MACROD2: variants seen among roughly 807,000 people sequenced by gnomAD.
MACROD2 encodes ADP-ribose glycohydrolase MACROD2.
A neutral mutation model predicts 70.4 loss-of-function variants in MACROD2; 36 were observed. That is an observed-to-expected ratio of 0.51 (90% CI 0.39 to 0.68). The LOEUF (loss-of-function observed/expected upper bound fraction) is 0.68, where lower values mean the gene tolerates loss of function less well. Among genes scored for constraint, MACROD2 ranks in the 30% least tolerant of loss-of-function variants. The probability of loss-of-function intolerance (pLI) is 0.00; values close to 1 mark genes in which losing one functional copy is unlikely to be tolerated. For missense variants in MACROD2, 496 were observed against 538.4 expected, an observed-to-expected ratio of 0.92 and a Z score of 0.78; for synonymous variants, 172 against 178.8, an observed-to-expected ratio of 0.96 and a Z score of 0.30.
intron 8 of MACROD2, among the ~76,000 whole-genome samples, chr20:15,832,643 C>T (rs1338102603): frequency 6.6e-6 from 1 of 152,174 alleles, no homozygotes; most frequent in Admixed American, 6.5e-5. Flanking sequence ...CATGTTGTAA[C>T]AGGAAGCTAC....
intron 5 of MACROD2, among the ~76,000 whole-genome samples, chr20:14,867,425 T>G (rs775065803): frequency 1.3e-5 from 2 of 152,110 alleles, no homozygotes; most frequent in Non-Finnish European, 2.9e-5. Context: ...AGTTGAATTT[T>G]TTTTCTAGTA....
At chr20:14,056,579 A>G (rs1313204760) in intron 2 of MACROD2, among the ~76,000 whole-genome samples, 1 of 152,004 alleles carries the variant, frequency 6.6e-6, no homozygotes, top group Non-Finnish European at 1.5e-5. Context: ...TGTAGCTGCA[A>G]TTTCCTCATT....
intron 5 of MACROD2, among the ~76,000 whole-genome samples, chr20:15,193,648 G>GGAAA (rs1213189877): frequency 1.3e-5 from 2 of 151,846 alleles, no homozygotes; most frequent in African/African-American, 2.4e-5. Context: ...CCTGACTCAA[G>GGAAA]GAAAGAAAGA....
intron 5 of MACROD2, among the ~76,000 whole-genome samples, chr20:14,797,020 G>A (rs1453221733): frequency 1.3e-5 from 2 of 151,864 alleles, no homozygotes; most frequent in African/African-American, 4.8e-5. Flanking sequence ...TTATCACAAT[G>A]TATAGTATCA....
Position 15,571,070 on chromosome 20 carries a change from A to C in MACROD2, c.645+71223A>C, listed in dbSNP as rs568799721. Among the ~76,000 whole-genome samples, 17 of 152,290 alleles carry C rather than the reference A, an allele frequency of 1.1e-4. No homozygotes were observed. The South Asian group carries it at 2.9e-3, about 26-fold the overall frequency. Reference sequence around the variant, plus strand: ...TGGGATACTATCTTCAGAATCCCCTAGTAGTTAAAACTCTGCTAAAGAAAT... The same window carrying C: ...TGGGATACTATCTTCAGAATCCCCTCGTAGTTAAAACTCTGCTAAAGAAAT... On this transcript the variant is annotated intron_variant, in intron 8 of 17. Transcript: ENST00000684519.
intron 6 of MACROD2, among the ~76,000 whole-genome samples, chr20:15,394,545 T>C (rs1304561952): frequency 6.6e-6 from 1 of 152,238 alleles, no homozygotes; most frequent in Non-Finnish European, 1.5e-5. Flanking sequence ...GAAAAGCAGA[T>C]GACAGGGCCA....
At chr20:14,940,249 A>T (rs1214058994) in intron 5 of MACROD2, among the ~76,000 whole-genome samples, 1 of 151,726 alleles carries the variant, frequency 6.6e-6, no homozygotes, top group Non-Finnish European at 1.5e-5. Flanking sequence ...TGGGAGGAAC[A>T]CCTGAGCCCA....
chr20:14,402,889 G>A (rs1023930335), intron 3 of MACROD2, among the ~76,000 whole-genome samples: 1 of 152,136 alleles, frequency 6.6e-6, no homozygotes, highest in African/African-American at 2.4e-5. Context: ...CAAGAAGGAG[G>A]AAGAGGCTAT....
intron 6 of MACROD2, among the ~76,000 whole-genome samples, chr20:15,281,663 G>T (rs959443501): frequency 1.3e-5 from 2 of 152,212 alleles, no homozygotes; most frequent in Non-Finnish European, 2.9e-5. Context: ...CTATGCCTTT[G>T]CAGGGTACAG....
intron 4 of MACROD2, among the ~76,000 whole-genome samples, chr20:14,558,316 G>A (rs1365004593): frequency 1.3e-5 from 2 of 151,728 alleles, no homozygotes; most frequent in East Asian, 1.9e-4. Flanking sequence ...CCATTTAATC[G>A]TGTATTTTTA....
At chr20:14,158,108 T>C (rs1460678340) in intron 3 of MACROD2, among the ~76,000 whole-genome samples, 2 of 152,180 alleles carry the variant, frequency 1.3e-5, no homozygotes, top group African/African-American at 2.4e-5. Context: ...TTTTTAGTAA[T>C]AGCCATTCTA....
intron 6 of MACROD2, among the ~76,000 whole-genome samples, chr20:15,360,473 A>G (rs1256375586): frequency 6.6e-6 from 1 of 152,174 alleles, no homozygotes; most frequent in Non-Finnish European, 1.5e-5. Flanking sequence ...CTAAATGAGA[A>G]AGAATACTAT....
At chr20:14,371,042 A>G (rs1047332692) in intron 3 of MACROD2, among the ~76,000 whole-genome samples, 1 of 152,232 alleles carries the variant, frequency 6.6e-6, no homozygotes. Context: ...TTTTTATAAG[A>G]CAGACAATAC....
chr20:15,301,086 G>A (rs1231092917), intron 6 of MACROD2, among the ~76,000 whole-genome samples: 1 of 152,146 alleles, frequency 6.6e-6, no homozygotes, highest in Admixed American at 6.5e-5. Flanking sequence ...GAAGGACAGC[G>A]AGCAAGGTGA....
At chr20:14,936,191 G>T (rs534761020) in intron 5 of MACROD2, among the ~76,000 whole-genome samples, 2 of 152,132 alleles carry the variant, frequency 1.3e-5, no homozygotes, top group Non-Finnish European at 2.9e-5. Flanking sequence ...AGGGCCTCTC[G>T]AAGGGTAACA....
At chr20:15,201,647 T>G (rs2076657098) in intron 5 of MACROD2, among the ~76,000 whole-genome samples, 1 of 152,190 alleles carries the variant, frequency 6.6e-6, no homozygotes, top group Non-Finnish European at 1.5e-5. Context: ...TCTTTTGCAC[T>G]TAAGGTATTT....
At chr20:14,556,506 A>G in intron 4 of MACROD2, among the ~76,000 whole-genome samples, 1 of 152,070 alleles carries the variant, frequency 6.6e-6, no homozygotes, top group East Asian at 1.9e-4. Context: ...TAGGCAAAGG[A>G]CCAGGTGAAG....
intron 8 of MACROD2, among the ~76,000 whole-genome samples, chr20:15,728,679 T>A (rs2050899664): frequency 6.6e-6 from 1 of 152,202 alleles, no homozygotes; most frequent in Admixed American, 6.5e-5. Context: ...TTCTACTTTG[T>A]GTGCATAGAG....
At chr20:14,830,429 CA>C (rs930283193) in intron 5 of MACROD2, among the ~76,000 whole-genome samples, 1 of 152,010 alleles carries the variant, frequency 6.6e-6, no homozygotes, top group East Asian at 1.9e-4. Context: ...CATATTCTTA[CA>C]AAAAACATTC....
Sources: gnomAD v4.1 joint callset for allele counts (sites outside exome capture counted in the v4.1 genomes callset) on GRCh38, gnomAD v4.1.1 for gene constraint, MANE v1.5 for transcripts, NCBI Gene and HGNC (gene_info 2026-07-23, HGNC 2026-07-21) for gene names.